The following PCDH15 variants were observed in gnomAD, a reference collection of about 807,000 sequenced individuals.
PCDH15 encodes the protein protocadherin-15.
Under a neutral mutation model 178.5 loss-of-function variants are expected in PCDH15, and 129 were observed. The ratio of observed to expected loss-of-function variants is 0.72; its 90% CI spans 0.63 to 0.84. The LOEUF (loss-of-function observed/expected upper bound fraction) is 0.84. PCDH15 is among the 40% of genes least tolerant of loss of function. The probability of loss-of-function intolerance (pLI) is 0.00; values close to 1 mark genes in which losing one functional copy is unlikely to be tolerated. For missense variants in PCDH15, 2,230 were observed against 2,099.9 expected (o/e 1.06, Z -1.21); for synonymous variants, 800 against 732.0 (o/e 1.09, Z -1.50).
intron 2 of PCDH15, among the ~76,000 whole-genome samples, chr10:54,999,993 C>T (rs1487941514): frequency 1.3e-5 from 2 of 152,074 alleles, no homozygotes; most frequent in African/African-American, 4.8e-5. Context: ...TAAGATATCA[C>T]AAGGCAAATG....
At chr10:55,417,457 G>A (rs10825502) in intron 2 of PCDH15, among the ~76,000 whole-genome samples, 70,339 of 151,320 alleles carry the variant, frequency 0.46, 17,130 homozygotes, top group Middle Eastern at 0.53. Flanking sequence ...ACAAATAATT[G>A]CTATCTCCCC....
chr10:54,432,239 A>T (rs1222008662), intron 3 of PCDH15, among the ~76,000 whole-genome samples: 3 of 151,960 alleles, frequency 2.0e-5, no homozygotes, highest in Non-Finnish European at 4.4e-5. Context: ...ATGTGGAATC[A>T]TAAAACACCC....
At chr10:54,783,292 G>A (rs117462248) in intron 1 of PCDH15, among the ~76,000 whole-genome samples, 470 of 152,070 alleles carry the variant, frequency 3.1e-3, no homozygotes, top group Non-Finnish European at 3.5e-3. Flanking sequence ...AGAAAAAATC[G>A]AGCAGAAACT....
At position 54,442,119 on chromosome 10, in the gene PCDH15, T is replaced by C. The variant is rs557351564; in HGVS notation, c.158-63177A>G. 1.1e-4 allele frequency among the ~76,000 whole-genome samples: 16 copies of C among 151,590 alleles called. No homozygotes were observed. In the Admixed American group the frequency reaches 1.1e-3, roughly 10 times the overall value. On this transcript the variant is annotated intron_variant, in intron 3 of 37. Coordinates refer to ENST00000644397, the MANE Select transcript of PCDH15 (RefSeq NM_001384140.1). ...ATATTATATTTTCCTGCATGTCTGC[T>C]TCAAGGCTGAATCCTAATGGTCATG...
intron 2 of PCDH15, among the ~76,000 whole-genome samples, chr10:54,987,559 T>A (rs1281031175): frequency 6.6e-6 from 1 of 152,210 alleles, no homozygotes; most frequent in African/African-American, 2.4e-5. Context: ...ATTGCTATTC[T>A]GACTGGAGTG....
At chr10:54,011,388 G>C (rs2092580435) in intron 20 of PCDH15, among the ~76,000 whole-genome samples, 1 of 152,098 alleles carries the variant, frequency 6.6e-6, no homozygotes, top group Non-Finnish European at 1.5e-5. Flanking sequence ...GGAGCACCAA[G>C]AGACAAGTGA....
intron 8 of PCDH15, among the ~76,000 whole-genome samples, chr10:54,246,257 C>T (rs1156821192): frequency 6.6e-6 from 1 of 151,942 alleles, no homozygotes; most frequent in Non-Finnish European, 1.5e-5. Context: ...CATGTAATCA[C>T]ACTGTGATCA....
chr10:53,930,060 C>T (rs1168751819), intron 25 of PCDH15, among the ~76,000 whole-genome samples: 1 of 152,046 alleles, frequency 6.6e-6, no homozygotes, highest in Non-Finnish European at 1.5e-5. Context: ...GACCAAGTAA[C>T]ATTATATCCT....
chr10:54,868,561 TA>T (rs1453497758), intron 3 of PCDH15, among the ~76,000 whole-genome samples: 1 of 152,176 alleles, frequency 6.6e-6, no homozygotes, highest in Non-Finnish European at 1.5e-5. Flanking sequence ...TGACCACCTT[TA>T]ATCCCATTTT....
chr10:55,346,259 G>C (rs1337790633), intron 2 of PCDH15, among the ~76,000 whole-genome samples: 2 of 152,096 alleles, frequency 1.3e-5, no homozygotes, highest in Non-Finnish European at 2.9e-5. Context: ...AAATCTGTTG[G>C]TCTCAAATAT....
At chr10:54,576,616 C>T (rs532874999) in intron 2 of PCDH15, among the ~76,000 whole-genome samples, 3 of 152,182 alleles carry the variant, frequency 2.0e-5, no homozygotes, top group Non-Finnish European at 2.9e-5. Flanking sequence ...ACTTCTCCTG[C>T]GATTTTTTTA....
intron 3 of PCDH15, among the ~76,000 whole-genome samples, chr10:54,810,159 G>A (rs1257698450): frequency 6.6e-6 from 1 of 152,112 alleles, no homozygotes; most frequent in Non-Finnish European, 1.5e-5. Context: ...ATAATAAACA[G>A]AGTACTGGAT....
At chr10:55,348,021 A>AATT (rs1459061701) in intron 2 of PCDH15, among the ~76,000 whole-genome samples, 1 of 152,078 alleles carries the variant, frequency 6.6e-6, no homozygotes, top group Admixed American at 6.6e-5. Flanking sequence ...AATGTAGGGC[A>AATT]ATTATTACAA....
intron 2 of PCDH15, among the ~76,000 whole-genome samples, chr10:55,004,654 C>A (rs1839879940): frequency 6.6e-6 from 1 of 152,078 alleles, no homozygotes; most frequent in African/African-American, 2.4e-5. Flanking sequence ...CTATATAAAC[C>A]ACTAAATTTA....
intron 2 of PCDH15, among the ~76,000 whole-genome samples, chr10:54,928,629 C>T (rs1233880575): frequency 1.3e-5 from 2 of 152,066 alleles, no homozygotes; most frequent in South Asian, 2.1e-4. Context: ...CGGTTTCGTT[C>T]ATTCCTTTTC....
At chr10:54,568,550 A>C (rs1157501152) in intron 2 of PCDH15, 1 of 152,078 alleles carries the variant, frequency 6.6e-6, no homozygotes, top group Non-Finnish European at 1.5e-5. Flanking sequence ...GATCTTAAAT[A>C]TTACTGTTCA....
intron 25 of PCDH15, among the ~76,000 whole-genome samples, chr10:53,915,111 A>C (rs1332051022): frequency 6.6e-6 from 1 of 152,360 alleles, no homozygotes; most frequent in East Asian, 1.9e-4. Flanking sequence ...TACTACAAAT[A>C]GAATAATTTA....
At chr10:55,298,166 A>G (rs1334168014) in intron 1 of PCDH15, among the ~76,000 whole-genome samples, 1 of 152,244 alleles carries the variant, frequency 6.6e-6, no homozygotes, top group Non-Finnish European at 1.5e-5. Flanking sequence ...ATATCCATGA[A>G]CAAGCCCAAA....
intron 3 of PCDH15, among the ~76,000 whole-genome samples, chr10:54,872,978 G>A (rs969887280): frequency 2.6e-5 from 4 of 151,762 alleles, no homozygotes; most frequent in African/African-American, 9.7e-5. Context: ...AATGTTCTAA[G>A]ACCCCTCTAC....
Sources: allele counts gnomAD v4.1 joint callset (sites outside exome capture counted in the v4.1 genomes callset), GRCh38; gene constraint gnomAD v4.1.1; transcripts MANE v1.5; gene names NCBI Gene and HGNC (gene_info 2026-07-23, HGNC 2026-07-21).